The following PDE6B variants were observed in gnomAD, a reference collection of about 807,000 sequenced individuals.
PDE6B encodes the protein rod cGMP-specific 3',5'-cyclic phosphodiesterase subunit beta.
Under a neutral mutation model 109.0 loss-of-function variants are expected in PDE6B, and 106 were observed. That is an observed-to-expected ratio of 0.97 (90% CI 0.83 to 1.14). The LOEUF is 1.14. Among genes scored for constraint, PDE6B ranks in the 50% most tolerant of loss-of-function variants. PDE6B has a pLI of 0.00. For synonymous variants in PDE6B, 490 were observed against 471.3 expected, an observed-to-expected ratio of 1.04 and a Z score of -0.51; for missense variants, 1,193 against 1,155.6, an observed-to-expected ratio of 1.03 and a Z score of -0.47.
intron 1 of PDE6B, among the ~76,000 whole-genome samples, 154 bp from the exon 2 acceptor site, chr4:634,523 G>A (rs1394082296): frequency 4.6e-5 from 7 of 152,128 alleles, no homozygotes; most frequent in Non-Finnish European, 8.8e-5. Flanking sequence ...AGCTTTCACC[G>A]CCCGGTGGCC....
rs776099625 is a variant in PDE6B, at chr4:654,141, C to T, written c.914C>T (p.Thr305Met). The T allele has an allele frequency of 1.7e-5, 27 of 1,613,508 alleles. No homozygotes were observed. The highest frequency in any genetic ancestry group is 8.3e-5 in the Admixed American group (5 of 60,008). ...GESQPYSGPR[T>M]PDGREIVFYK... The stretch of plus-strand genomic sequence containing the variant: ...TCCCAGCCGTACTCGGGCCCACGCA[C>T]GCCTGATGGCCGGGTGAGTCTTAGG... The change falls in exon 5 of 22, where the codon ACG becomes ATG. Residue 305 changes from threonine (T) to methionine (M), a missense_variant. Physicochemically the swap from Thr to Met is moderately conservative, Grantham distance 81. Coordinates refer to ENST00000496514, the MANE Select transcript of PDE6B (RefSeq NM_000283.4).
rs747990155 is a variant in PDE6B, at chr4:656,003, C to T, written c.1056C>T (p.Gly352=). The T allele has an allele frequency of 6.9e-6, 11 of 1,590,750 alleles. No homozygotes were observed. Among genetic ancestry groups the T allele is most frequent in the Admixed American group, 1.7e-5 (1 of 60,002 alleles). The change falls in exon 7 of 22, where the codon GGC becomes GGT. Residue 352 remains glycine, a synonymous_variant. Transcript: ENST00000496514. ...SGLPSYVAES[G]FICNIMNASA... ...TTCCAAGCTACGTGGCAGAAAGCGG[C>T]TTTGTGAGTCCCGTGCTGTCTGGAG...
chr4:655,681 C>T (rs1371551991), intron 6 of PDE6B: 1 of 584,630 alleles, frequency 1.7e-6, no homozygotes, highest in Admixed American at 2.8e-5. Context: ...GAGGATGGCA[C>T]ATGAGCCAGA....
At chr4:660,640 C>A (rs1736959281) in intron 12 of PDE6B, 27 bp downstream of exon 12, 1 of 1,609,828 alleles carries the variant, frequency 6.2e-7, no homozygotes, top group African/African-American at 1.3e-5. Context: ...GGCGCATAGT[C>A]AGGTCCCTGA....
intron 3 of PDE6B, among the ~76,000 whole-genome samples, chr4:641,455 G>A (rs1448043082): frequency 1.3e-5 from 2 of 152,204 alleles, no homozygotes; most frequent in African/African-American, 4.8e-5. Context: ...GTCCCTGAGT[G>A]CCTGAGGCCT....
At position 656,015 on chromosome 4, in the gene PDE6B, C is replaced by G. The variant is rs112918073; in HGVS notation, c.1059+9C>G. 8.6e-4 allele frequency: 1,349 copies of G among 1,568,536 alleles called. 11 individuals carry two copies. In the African/African-American group the frequency reaches 0.016, roughly 19 times the overall value. The stretch of plus-strand genomic sequence containing the variant: ...TGGCAGAAAGCGGCTTTGTGAGTCC[C>G]GTGCTGTCTGGAGTCCCCACAGCCT... On this transcript the variant is annotated intron_variant, in intron 7 of 21. Coordinates refer to ENST00000496514, the MANE Select transcript of PDE6B (RefSeq NM_000283.4).
rs1734566015 is a variant in PDE6B, at chr4:634,821, G to C, written c.613G>C (p.Asp205His). ...KLNGPFFTSE[D>H]EDVFLKYLNF... ...CAACGGCCCATTCTTCACCAGCGAA[G>C]ACGAAGATGTGAGTGTGGGGGGCAC... The change falls in exon 2 of 22, where the codon GAC becomes CAC. Residue 205 changes from aspartate (D) to histidine (H), a missense_variant. Physicochemically the swap from Asp to His is moderately conservative, Grantham distance 81. Coordinates refer to ENST00000496514, the MANE Select transcript of PDE6B (RefSeq NM_000283.4). 6.2e-7 allele frequency: 1 copy of C among 1,613,826 alleles called. No homozygotes were observed. The highest frequency in any genetic ancestry group is 8.5e-7 in the Non-Finnish European group (1 of 1,179,884).
intron 6 of PDE6B, chr4:655,290 T>G: frequency 3.3e-6 from 1 of 306,010 alleles, no homozygotes; most frequent in South Asian, 3.3e-5. Context: ...CTTGGCCCCG[T>G]GGGGCTGGAA....
intron 3 of PDE6B, among the ~76,000 whole-genome samples, chr4:644,363 T>A (rs904292422): frequency 2.9e-4 from 44 of 152,042 alleles, no homozygotes; most frequent in African/African-American, 1.1e-3. Context: ...TATTTTTCAT[T>A]ATTTTTATTT....
At position 633,462 on chromosome 4, in the gene PDE6B, G is replaced by C. The variant is rs985905440; in HGVS notation, c.469-1215G>C. Among the ~76,000 whole-genome samples, 1 of 152,310 alleles carries C rather than the reference G, an allele frequency of 6.6e-6. No homozygotes were observed. Among genetic ancestry groups the C allele is most frequent in the Non-Finnish European group, 1.5e-5 (1 of 68,014 alleles). ...ACGCTAGCACCTCGGCCAGCCCCCA[G>C]CAGGCTTCCTCTGACCTCTCAACCT... On this transcript the variant is annotated intron_variant, in intron 1 of 21. Coordinates refer to ENST00000496514, the MANE Select transcript of PDE6B (RefSeq NM_000283.4). This position sits in a 1 kb window ranked among gnomAD's most constrained non-coding sequence, Gnocchi z 4.5.
chr4:634,855 CCG>C (rs749322919), intron 2 of PDE6B, 26 bp downstream of exon 2: 2 of 1,606,028 alleles, frequency 1.2e-6, no homozygotes, highest in Admixed American at 3.3e-5. Flanking sequence ...ACCTGGGCAG[CCG>C]CGCGTCTGCC....
Position 663,881 on chromosome 4 carries a change from TC to T in PDE6B, c.2021+13del. The T allele has an allele frequency of 6.3e-7, 1 of 1,589,830 alleles. No homozygotes were observed. Among genetic ancestry groups the T allele is most frequent in the Non-Finnish European group, 8.6e-7 (1 of 1,164,232 alleles). The stretch of plus-strand genomic sequence containing the variant: ...GGCCCTGTACTTCAAGTGCGCGCCT[TC>T]CGGGAGGGGGCGCCTCGCGGGGCGG... On this transcript the variant is annotated intron_variant, in intron 16 of 21. Transcript: ENST00000496514. This position sits in a 1 kb window ranked among gnomAD's most constrained non-coding sequence, Gnocchi z 4.0.
chr4:626,688 T>C lies in PDE6B; in HGVS notation c.468+594T>C, dbSNP rs1734121939. On this transcript the variant is annotated intron_variant, in intron 1 of 21. Transcript: ENST00000496514. This position sits in a 1 kb window ranked among gnomAD's most constrained non-coding sequence, Gnocchi z 4.6. Reference sequence around the variant, plus strand: ...TGAGCACAGGGGTCCAGGGTGGGACTGGGGAGGGACAAGAGACAGAATCGA... The same window carrying C: ...TGAGCACAGGGGTCCAGGGTGGGACCGGGGAGGGACAAGAGACAGAATCGA... 6.6e-6 allele frequency among the ~76,000 whole-genome samples: 1 copy of C among 152,032 alleles called. No individual in the cohort carries two copies. Among genetic ancestry groups the C allele is most frequent in the Non-Finnish European group, 1.5e-5 (1 of 67,992 alleles).
chr4:656,126 G>GC (rs1736209964), intron 7 of PDE6B, 119 bp from the exon 8 acceptor site: 1 of 990,294 alleles, frequency 1.0e-6, no homozygotes, highest in Admixed American at 1.7e-5. Context: ...CCTCAGTGAA[G>GC]CCCCCAGCTG....
chr4:630,993 G>T (rs1734357759), intron 1 of PDE6B, among the ~76,000 whole-genome samples: 1 of 152,232 alleles, frequency 6.6e-6, no homozygotes, highest in Admixed American at 6.5e-5. Flanking sequence ...ATGGAGCCAG[G>T]TGCCTGCTGA....
intron 9 of PDE6B, 143 bp from the exon 10 acceptor site, chr4:657,208 C>A (rs1215514547): frequency 8.7e-7 from 1 of 1,148,918 alleles, no homozygotes; most frequent in Non-Finnish European, 1.3e-6. Flanking sequence ...GCAGAGCACC[C>A]GGGAGACCCC....
In PDE6B at chr4:653,898, T is replaced by C. The variant is rs769878878; in HGVS notation, c.758T>C (p.Ile253Thr). 6 of 1,613,632 alleles carry C rather than the reference T, an allele frequency of 3.7e-6. No individual in the cohort carries two copies. The African/African-American group carries it at 6.7e-5, about 18-fold the overall frequency. ...ANKVFEELTD[I>T]ERQFHKAFYT... ...AAGGTGTTTGAGGAGCTGACGGACA[T>C]CGAGAGGCAGTTCCACAAGGCCTTC... is the stretch of plus-strand genomic sequence containing the variant. Residue 253 changes from isoleucine to threonine, a missense_variant, in exon 4 of 22, where the codon ATC becomes ACC. Transcript: ENST00000496514.
Position 665,728 on chromosome 4 carries a change from G to T in PDE6B, c.2268+399G>T, listed in dbSNP as rs1186576271. Among the ~76,000 whole-genome samples, 1 of 152,222 alleles carries T rather than the reference G, an allele frequency of 6.6e-6. No homozygotes were observed. The stretch of plus-strand genomic sequence containing the variant: ...CAGTGGTATGATGGACAATGCCAGG[G>T]TCCTCAGGTCAGCAGCGGGGTCTGG... On this transcript the variant is annotated intron_variant, in intron 19 of 21. Transcript: ENST00000496514. This position sits in a 1 kb window ranked among gnomAD's most constrained non-coding sequence, Gnocchi z 4.0.
rs745856717 is a variant in PDE6B at position 667,890 on chromosome 4, T to C, written c.2387T>C (p.Met796Thr). The C allele has an allele frequency of 6.2e-6, 10 of 1,613,538 alleles. No individual in the cohort carries two copies. Among genetic ancestry groups the C allele is most frequent in the South Asian group, 3.3e-5 (3 of 91,078 alleles). The change falls in exon 21 of 22, where the codon ATG becomes ACG. Residue 796 changes from methionine to threonine, a missense_variant. By Grantham distance (81) the Met-to-Thr change is moderately conservative. Coordinates refer to ENST00000496514, the MANE Select transcript of PDE6B (RefSeq NM_000283.4). ...CGTTTCCACGAAGAGATCCTGCCCA[T>C]GTTCGACCGACTGCAGAACAATAGG... ...FSRFHEEILP[M>T]FDRLQNNRKE... is the part of the protein sequence containing the mutation.
Sources: gnomAD v4.1 joint callset for allele counts (sites outside exome capture counted in the v4.1 genomes callset) on GRCh38, gnomAD v4.1.1 for gene constraint, Gnocchi (gnomAD v3.1) non-coding constraint, MANE v1.5 for transcripts, NCBI Gene and HGNC (gene_info 2026-07-23, HGNC 2026-07-21) for gene names.